The following IL1RAPL1 variants were observed in gnomAD, a reference collection of about 807,000 sequenced individuals.
IL1RAPL1 encodes interleukin 1 receptor accessory protein like 1.
IL1RAPL1 carries 3 observed loss-of-function variants against 48.4 expected under a neutral mutation model. The ratio of observed to expected loss-of-function variants is 0.06; its 90% CI spans 0.03 to 0.16. The LOEUF is 0.16. Ranked by LOEUF, IL1RAPL1 falls within the 10% of genes least tolerant of loss-of-function variation. The pLI, the probability that IL1RAPL1 is intolerant of heterozygous loss-of-function variation, is 1.00. For missense variants in IL1RAPL1, 349 were observed against 530.6 expected (o/e 0.66, Z 3.36); for synonymous variants, 185 against 187.7 (o/e 0.99, Z 0.12).
rs150624895 is a variant in IL1RAPL1 at position 29,420,131 on chromosome X, G to A, written c.703+20823G>A. Among the ~76,000 whole-genome samples the A allele has an allele frequency of 4.5e-5, 5 of 111,769 alleles. No individual in the cohort carries two copies. The East Asian group carries it at 1.1e-3, about 25-fold the overall frequency. ...CAGGTCTCTAAATCACATAATGGGG[G>A]GAATTTGGTCACTGACCAGAAAGAC... On this transcript the variant is annotated intron_variant, in intron 5 of 10. Coordinates refer to ENST00000378993, the MANE Select transcript of IL1RAPL1 (RefSeq NM_014271.4).
rs182879871 is a variant in IL1RAPL1 at position 29,478,382 on chromosome X, G to A, written c.703+79074G>A. Among the ~76,000 whole-genome samples the A allele has an allele frequency of 3.1e-3, 346 of 111,772 alleles. 3 individuals are homozygous for A. Among genetic ancestry groups the A allele is most frequent in the African/African-American group, 0.011 (324 of 30,771 alleles). On this transcript the variant is annotated intron_variant, in intron 5 of 10. Transcript: ENST00000378993. ...CAAAATTTATCCAAAATTCTGCCGT[G>A]TAGTTCAGCACCTCCACTCTTGCCT...
At chrX:29,803,605 ATACACGTG>A (rs1455811909) in intron 6 of IL1RAPL1, among the ~76,000 whole-genome samples, 1 of 103,081 alleles carries the variant, frequency 9.7e-6, no homozygotes, top group Admixed American at 1.1e-4. Context: ...GTGTGTATAT[ATACACGTG>A]TGTATATATG....
chrX:28,995,038 T>C (rs1024777204), intron 2 of IL1RAPL1, among the ~76,000 whole-genome samples: 1 of 111,239 alleles, frequency 9.0e-6, no homozygotes, highest in African/African-American at 3.3e-5. Context: ...TGATTGGGAA[T>C]TGACTACTAA....
intron 2 of IL1RAPL1, among the ~76,000 whole-genome samples, chrX:28,873,562 C>G (rs1314310110): frequency 4.0e-5 from 3 of 75,095 alleles, no homozygotes; most frequent in Middle Eastern, 0.016. Flanking sequence ...GACGGAGTCT[C>G]GCTCTGTCGC....
intron 6 of IL1RAPL1, among the ~76,000 whole-genome samples, chrX:29,829,193 CA>C: frequency 9.6e-6 from 1 of 104,395 alleles, no homozygotes; most frequent in Non-Finnish European, 1.9e-5. Flanking sequence ...CACACACACA[CA>C]CACACACACA....
At chrX:28,772,438 T>C (rs1405391716) in intron 1 of IL1RAPL1, among the ~76,000 whole-genome samples, 1 of 111,682 alleles carries the variant, frequency 9.0e-6, no homozygotes, top group Non-Finnish European at 1.9e-5. Context: ...CAAGCTTAAA[T>C]CCTGTTAAAC....
intron 8 of IL1RAPL1, among the ~76,000 whole-genome samples, chrX:29,924,032 C>G (rs769538492): frequency 7.8e-4 from 87 of 111,913 alleles, no homozygotes; most frequent in Non-Finnish European, 1.1e-3. Flanking sequence ...GCTGTGCTAT[C>G]TGGGGCAAAT....
chrX:28,916,348 A>G (rs1204976567), intron 2 of IL1RAPL1, among the ~76,000 whole-genome samples: 1 of 111,514 alleles, frequency 9.0e-6, no homozygotes, highest in Non-Finnish European at 1.9e-5. Flanking sequence ...GTTGTAAATA[A>G]CAATCTATGA....
chrX:29,894,756 G>A (rs913385157), intron 6 of IL1RAPL1, among the ~76,000 whole-genome samples: 2 of 110,492 alleles, frequency 1.8e-5, no homozygotes, highest in Non-Finnish European at 3.8e-5. Flanking sequence ...AATTTTAAAT[G>A]GCCTTAAAAT....
chrX:29,824,350 T>C (rs909416381), intron 6 of IL1RAPL1, among the ~76,000 whole-genome samples: 3 of 111,560 alleles, frequency 2.7e-5, no homozygotes, highest in African/African-American at 9.8e-5. Flanking sequence ...TGAAATAGGG[T>C]GTGTTGCCTT....
chrX:28,861,820 G>A (rs2147302810), intron 2 of IL1RAPL1, among the ~76,000 whole-genome samples: 1 of 110,521 alleles, frequency 9.0e-6, no homozygotes, highest in South Asian at 3.8e-4. Context: ...GTTTACTAAA[G>A]TTTTAGAACT....
chrX:29,875,134 C>T (rs924872404), intron 6 of IL1RAPL1, among the ~76,000 whole-genome samples: 3 of 111,594 alleles, frequency 2.7e-5, no homozygotes, highest in African/African-American at 9.8e-5. Context: ...ATGTAAATGC[C>T]TTGGACACTA....
At chrX:28,642,233 G>T (rs1023513925) in intron 1 of IL1RAPL1, among the ~76,000 whole-genome samples, 4 of 111,017 alleles carry the variant, frequency 3.6e-5, no homozygotes, top group African/African-American at 1.3e-4. Context: ...ACACCCCACT[G>T]TCAATATTAG....
intron 1 of IL1RAPL1, among the ~76,000 whole-genome samples, chrX:28,701,926 CT>C (rs1013691219): frequency 2.7e-5 from 3 of 111,380 alleles, no homozygotes; most frequent in Non-Finnish European, 5.7e-5. Flanking sequence ...CATCAAATAC[CT>C]TTAGGTTAAT....
At chrX:28,852,519 A>G (rs1921689016) in intron 2 of IL1RAPL1, among the ~76,000 whole-genome samples, 1 of 111,420 alleles carries the variant, frequency 9.0e-6, no homozygotes, top group African/African-American at 3.3e-5. Flanking sequence ...GATGAAAACT[A>G]CTTAATATAA....
chrX:29,794,213 TTGAAAA>T (rs1465043345), intron 6 of IL1RAPL1, among the ~76,000 whole-genome samples: 1 of 111,701 alleles, frequency 9.0e-6, no homozygotes, highest in Admixed American at 9.5e-5. Context: ...AAAACTGTAC[TTGAAAA>T]TGAAGGAAAA....
chrX:28,595,046 C>G (rs1011529988), intron 1 of IL1RAPL1, among the ~76,000 whole-genome samples: 3 of 111,985 alleles, frequency 2.7e-5, no homozygotes, highest in Non-Finnish European at 5.6e-5. Context: ...GGGGATTCCA[C>G]TAAGGGGTCC....
chrX:29,676,676 G>A (rs1482227857), intron 6 of IL1RAPL1, among the ~76,000 whole-genome samples: 1 of 111,124 alleles, frequency 9.0e-6, no homozygotes, highest in African/African-American at 3.3e-5. Flanking sequence ...TGACCATCAA[G>A]ACAAAAATAA....
intron 8 of IL1RAPL1, among the ~76,000 whole-genome samples, chrX:29,925,707 A>T (rs1420691950): frequency 9.9e-6 from 1 of 100,862 alleles, no homozygotes; most frequent in Non-Finnish European, 2.0e-5. Flanking sequence ...CTGGCTATTT[A>T]AAAAAAAAAA....
Sources: gnomAD v4.1 joint callset for allele counts (sites outside exome capture counted in the v4.1 genomes callset) on GRCh38, gnomAD v4.1.1 for gene constraint, MANE v1.5 for transcripts, NCBI Gene and HGNC (gene_info 2026-07-23, HGNC 2026-07-21) for gene names.